Variants in RAD51B observed in about 807,000 individuals in gnomAD.
RAD51B encodes RAD51 paralog B.
In RAD51B, 38 loss-of-function variants were observed where a neutral mutation model predicts 42.2. That is an observed-to-expected ratio of 0.90 (90% confidence interval 0.70 to 1.18). RAD51B has a LOEUF of 1.18. RAD51B is among the 50% of genes most tolerant of loss of function. The pLI, the probability that RAD51B is intolerant of heterozygous loss-of-function variation, is 0.00. For missense variants in RAD51B, 373 were observed against 400.7 expected, an observed-to-expected ratio of 0.93 and a Z score of 0.59; for synonymous variants, 154 against 145.2, an observed-to-expected ratio of 1.06 and a Z score of -0.43.
At chr14:67,896,005 T>G (rs1011278021) in intron 7 of RAD51B, among the ~76,000 whole-genome samples, 7 of 152,218 alleles carry the variant, frequency 4.6e-5, no homozygotes, top group African/African-American at 1.7e-4. Flanking sequence ...GAACTTTAAT[T>G]ATGTATTTGC....
chr14:67,995,589 C>T (rs1035225459), intron 7 of RAD51B, among the ~76,000 whole-genome samples: 103 of 151,800 alleles, frequency 6.8e-4, no homozygotes, highest in Non-Finnish European at 5.9e-5. Flanking sequence ...TATTGGAGAC[C>T]AAGCCCTGCT....
intron 10 of RAD51B, among the ~76,000 whole-genome samples, chr14:68,620,411 A>G (rs1161440080): frequency 2.6e-5 from 4 of 152,140 alleles, no homozygotes; most frequent in South Asian, 4.1e-4. Flanking sequence ...GTCCCTCCAG[A>G]CAGCTCTGGT....
At chr14:67,837,119 C>A (rs1054269173) in intron 4 of RAD51B, among the ~76,000 whole-genome samples, 1 of 151,736 alleles carries the variant, frequency 6.6e-6, no homozygotes, top group Non-Finnish European at 1.5e-5. Context: ...TAAATAAATG[C>A]GTGAATTAGT....
At chr14:68,671,739 C>T (rs189338584) in intron 11 of RAD51B, among the ~76,000 whole-genome samples, 12 of 152,020 alleles carry the variant, frequency 7.9e-5, no homozygotes, top group Admixed American at 3.3e-4. Flanking sequence ...CTCAGAATTC[C>T]TTATATGCCC....
chr14:68,236,839 T>C (rs932663150), intron 7 of RAD51B, among the ~76,000 whole-genome samples: 3 of 152,196 alleles, frequency 2.0e-5, no homozygotes, highest in African/African-American at 7.2e-5. Context: ...GGATTCCAAA[T>C]GACTGTTGGC....
intron 4 of RAD51B, among the ~76,000 whole-genome samples, chr14:67,861,755 A>G (rs1159256692): frequency 2.6e-5 from 4 of 152,200 alleles, no homozygotes; most frequent in Admixed American, 2.0e-4. Context: ...AGGTAAAGGT[A>G]ATGTTTTAAC....
intron 11 of RAD51B, among the ~76,000 whole-genome samples, chr14:68,653,649 C>T (rs1418900337): frequency 1.3e-5 from 2 of 152,208 alleles, no homozygotes; most frequent in Admixed American, 1.3e-4. Context: ...CCAAATGTCT[C>T]CTGGAGCCAA....
intron 10 of RAD51B, among the ~76,000 whole-genome samples, chr14:68,628,183 C>T (rs998192024): frequency 1.3e-5 from 2 of 152,204 alleles, no homozygotes; most frequent in South Asian, 2.1e-4. Context: ...AATTTGGGTT[C>T]TCAAGTGGTG....
intron 7 of RAD51B, among the ~76,000 whole-genome samples, chr14:67,888,710 G>A (rs1047183995): frequency 2.0e-5 from 3 of 152,106 alleles, no homozygotes; most frequent in African/African-American, 7.2e-5. Context: ...TACATAGCAT[G>A]TACATTGTAT....
chr14:68,625,216 A>C (rs550069264), intron 10 of RAD51B, among the ~76,000 whole-genome samples: 30 of 152,240 alleles, frequency 2.0e-4, no homozygotes, highest in African/African-American at 7.0e-4. Context: ...TAGCTCCCCT[A>C]CACCCATGGT....
intron 8 of RAD51B, among the ~76,000 whole-genome samples, chr14:68,304,182 A>G (rs887107398): frequency 1.3e-5 from 2 of 151,342 alleles, no homozygotes; most frequent in African/African-American, 4.8e-5. Context: ...AAAAAAAAAA[A>G]GGCACTATGG....
intron 7 of RAD51B, among the ~76,000 whole-genome samples, chr14:68,091,720 A>G (rs555993252): frequency 1.5e-4 from 23 of 152,230 alleles, no homozygotes; most frequent in Non-Finnish European, 2.6e-4. Context: ...CCATTTGTCA[A>G]TTTTGGCTTT....
intron 8 of RAD51B, among the ~76,000 whole-genome samples, chr14:68,407,612 A>C (rs1331940693): frequency 7.9e-5 from 12 of 152,370 alleles, no homozygotes; most frequent in Non-Finnish European, 2.9e-5. Flanking sequence ...GGTGATAAGA[A>C]AAGCACACAA....
rs1398832977 is a variant in RAD51B, at chr14:68,648,023, G to GTATA, written c.1037-2747_1037-2744dup. Among the ~76,000 whole-genome samples, 70 of 28,634 alleles carry GTATA rather than the reference G, an allele frequency of 2.4e-3. 2 individuals are homozygous for GTATA. The highest frequency in any genetic ancestry group is 7.9e-3 in the African/African-American group (62 of 7,824). The allele number at this position is 28,634 out of a possible 152,430, so 18.8% of individuals were successfully genotyped here. On this transcript the variant is annotated intron_variant, in intron 10 of 11. Transcript: ENST00000488612. ...ATTGAGCATATATATATATATATAC[G>GTATA]TATATATATATATACACACGTATAT...
At chr14:68,021,065 A>G (rs1566583988) in intron 7 of RAD51B, among the ~76,000 whole-genome samples, 2 of 152,104 alleles carry the variant, frequency 1.3e-5, no homozygotes, top group Non-Finnish European at 2.9e-5. Flanking sequence ...GAAACTGAAT[A>G]CCCCCCTGGG....
chr14:67,829,360 A>G (rs2040949591), intron 3 of RAD51B, among the ~76,000 whole-genome samples: 2 of 151,740 alleles, frequency 1.3e-5, no homozygotes, highest in Admixed American at 1.3e-4. Context: ...CTCCTGCCTC[A>G]GCCTCCCAAG....
chr14:68,540,964 A>G (rs1055958782), intron 10 of RAD51B: 2 of 985,338 alleles, frequency 2.0e-6, no homozygotes, highest in Admixed American at 6.1e-5. Flanking sequence ...ACTATAATAC[A>G]TCTTTGACCA....
intron 10 of RAD51B, among the ~76,000 whole-genome samples, chr14:68,618,406 C>G (rs8010235): frequency 0.23 from 34,378 of 152,138 alleles, 4,204 homozygotes; most frequent in South Asian, 0.35. Context: ...GCACTGTCAC[C>G]ATCCTATTGG....
chr14:68,507,861 TG>T (rs925095569), intron 10 of RAD51B, among the ~76,000 whole-genome samples: 56 of 152,298 alleles, frequency 3.7e-4, no homozygotes, highest in African/African-American at 1.2e-3. Flanking sequence ...AAGGAAGCAG[TG>T]GCACAAATCT....
Sources: gnomAD v4.1 joint callset for allele counts (sites outside exome capture counted in the v4.1 genomes callset) on GRCh38, gnomAD v4.1.1 for gene constraint, MANE v1.5 for transcripts, NCBI Gene and HGNC (gene_info 2026-07-23, HGNC 2026-07-21) for gene names.